The following MIPEP variants were observed in gnomAD, a reference collection of about 807,000 sequenced individuals.
MIPEP encodes mitochondrial intermediate peptidase.
MIPEP carries 79 observed loss-of-function variants against 90.3 expected under a neutral mutation model. The observed-to-expected ratio is 0.87, with a 90% CI of 0.73 to 1.05. The LOEUF is 1.05. Among genes scored for constraint, MIPEP ranks in the 50% least tolerant of loss-of-function variants. The pLI is 0.00. For missense variants in MIPEP, 940 were observed against 905.6 expected, an observed-to-expected ratio of 1.04 and a Z score of -0.49; for synonymous variants, 334 against 315.8, an observed-to-expected ratio of 1.06 and a Z score of -0.61.
intron 16 of MIPEP, among the ~76,000 whole-genome samples, chr13:23,763,527 T>C (rs1256315067): frequency 6.6e-6 from 1 of 152,236 alleles, no homozygotes; most frequent in Non-Finnish European, 1.5e-5. Context: ...TTGTTTTATC[T>C]TGAAAGCAGG....
intron 14 of MIPEP, among the ~76,000 whole-genome samples, chr13:23,835,823 G>A (rs768697264): frequency 2.0e-5 from 3 of 152,166 alleles, no homozygotes; most frequent in Non-Finnish European, 4.4e-5. Flanking sequence ...ATATGGCACT[G>A]GATTCAGTTT....
chr13:23,780,885 G>A (rs186617427), intron 16 of MIPEP, among the ~76,000 whole-genome samples: 3 of 152,176 alleles, frequency 2.0e-5, no homozygotes, highest in Admixed American at 6.5e-5. Flanking sequence ...GAAATGAAGC[G>A]AGAAGAGAAG....
rs530788185 is a variant in MIPEP at position 23,818,436 on chromosome 13, A to G, written c.1654-8512T>C. ...GCGAGACTCTGTCTCAAAAATTAAT[A>G]AAAATAAATAAATGAATAAATAAAT... is the stretch of plus-strand genomic sequence containing the variant. On this transcript the variant is annotated intron_variant, in intron 14 of 18. Transcript: ENST00000382172. 2.0e-4 allele frequency among the ~76,000 whole-genome samples: 28 copies of G among 137,366 alleles called. No homozygotes were observed. In the South Asian group the frequency reaches 5.7e-3, roughly 28 times the overall value. 90.1% of individuals were successfully genotyped at this position (137,366 alleles called of 152,430 possible). A position where few individuals can be genotyped will look rare whatever the true frequency, so the allele number is the denominator to read the frequency against.
At chr13:23,784,642 T>C (rs1382891767) in intron 16 of MIPEP, among the ~76,000 whole-genome samples, 1 of 152,094 alleles carries the variant, frequency 6.6e-6, no homozygotes, top group African/African-American at 2.4e-5. Context: ...ACAAATGGGA[T>C]CTAATTAAGC....
chr13:23,798,670 AC>A (rs887969205), intron 16 of MIPEP, among the ~76,000 whole-genome samples: 1 of 152,106 alleles, frequency 6.6e-6, no homozygotes, highest in African/African-American at 2.4e-5. Flanking sequence ...GGTGCTGTTG[AC>A]ACAATAGTGA....
chr13:23,779,522 C>T (rs1565991270), intron 16 of MIPEP, among the ~76,000 whole-genome samples: 1 of 152,130 alleles, frequency 6.6e-6, no homozygotes, highest in South Asian at 2.1e-4. Context: ...CTACAGCTCC[C>T]AGCGTGAGTG....
chr13:23,860,065 G>A (rs749043986), intron 9 of MIPEP, among the ~76,000 whole-genome samples: 1 of 152,230 alleles, frequency 6.6e-6, no homozygotes, highest in Non-Finnish European at 1.5e-5. Flanking sequence ...CAGACAGAGT[G>A]CAGGCTGTAA....
At position 23,820,788 on chromosome 13, in the gene MIPEP, T is replaced by C. The variant is rs1403291762; in HGVS notation, c.1654-10864A>G. On this transcript the variant is annotated intron_variant, in intron 14 of 18. Transcript: ENST00000382172. ...TCCAATGCCCCATCAGAGTGTGCAT[T>C]TCTAAGGAATGAAAGTTGATGGAGC... Among the ~76,000 whole-genome samples the C allele has an allele frequency of 2.0e-5, 3 of 152,324 alleles. No individual in the cohort carries two copies. In the South Asian group the frequency reaches 6.2e-4, roughly 32 times the overall value.
chr13:23,841,780 T>G (rs1158508431), intron 10 of MIPEP, among the ~76,000 whole-genome samples: 1 of 152,220 alleles, frequency 6.6e-6, no homozygotes, highest in Non-Finnish European at 1.5e-5. Flanking sequence ...CAGTCTCAAC[T>G]GCTCACTGTA....
chr13:23,767,515 G>A (rs889269756), intron 16 of MIPEP, among the ~76,000 whole-genome samples: 7 of 151,292 alleles, frequency 4.6e-5, no homozygotes, highest in Non-Finnish European at 1.0e-4. Flanking sequence ...GCAGTGGCAC[G>A]ATCTCGGCTC....
chr13:23,884,230 G>T (rs1313426137), intron 2 of MIPEP, among the ~76,000 whole-genome samples: 1 of 148,172 alleles, frequency 6.7e-6, no homozygotes, highest in Non-Finnish European at 1.5e-5. Context: ...AGGGGGGGGT[G>T]TGACTACAGG....
At chr13:23,856,899 C>A (rs1870069948) in intron 10 of MIPEP, among the ~76,000 whole-genome samples, 2 of 151,326 alleles carry the variant, frequency 1.3e-5, no homozygotes, top group Non-Finnish European at 1.5e-5. Context: ...GAAAGGAATA[C>A]CTGATAAAAA....
chr13:23,839,930 T>C (rs1253353867), intron 11 of MIPEP, among the ~76,000 whole-genome samples: 1 of 152,214 alleles, frequency 6.6e-6, no homozygotes, highest in Non-Finnish European at 1.5e-5. Flanking sequence ...GGTTTTGGAA[T>C]TCTGTGTCCA....
intron 14 of MIPEP, among the ~76,000 whole-genome samples, chr13:23,826,348 G>A (rs939341912): frequency 9.2e-5 from 14 of 152,030 alleles, no homozygotes; most frequent in African/African-American, 2.9e-4. Context: ...GTATGAAACC[G>A]CAGACCCAAC....
chr13:23,839,820 A>G, intron 11 of MIPEP, 94 bp from the exon 12 acceptor site: 1 of 732,058 alleles, frequency 1.4e-6, no homozygotes, highest in Non-Finnish European at 2.2e-6. Context: ...ATCCATAGCC[A>G]CACATATAGA....
At chr13:23,801,540 T>A (rs1471588660) in intron 16 of MIPEP, among the ~76,000 whole-genome samples, 2 of 152,192 alleles carry the variant, frequency 1.3e-5, no homozygotes, top group African/African-American at 4.8e-5. Context: ...ACCAATCAGT[T>A]TAAGAAAATA....
At chr13:23,818,485 A>G (rs1415197515) in intron 14 of MIPEP, among the ~76,000 whole-genome samples, 1 of 152,168 alleles carries the variant, frequency 6.6e-6, no homozygotes, top group Non-Finnish European at 1.5e-5. Flanking sequence ...AGAGTTAAAC[A>G]GAGCAAAGGA....
chr13:23,774,784 C>CTTTTTTTTTTTTTTTTTTTTTTTT (rs67628137), intron 16 of MIPEP, among the ~76,000 whole-genome samples: 1 of 68,250 alleles, frequency 1.5e-5, no homozygotes, highest in African/African-American at 6.4e-5. Flanking sequence ...TTTATCAGTT[C>CTTTTTTTTTTTTTTTTTTTTTTTT]TTTTTTTTTT....
chr13:23,815,465 C>T (rs1163377947), intron 14 of MIPEP, among the ~76,000 whole-genome samples: 1 of 152,068 alleles, frequency 6.6e-6, no homozygotes. Context: ...TGCAAGCATG[C>T]ACCACTGTGC....
Sources: gnomAD v4.1 joint callset for allele counts (sites outside exome capture counted in the v4.1 genomes callset) on GRCh38, gnomAD v4.1.1 for gene constraint, MANE v1.5 for transcripts, NCBI Gene and HGNC (gene_info 2026-07-23, HGNC 2026-07-21) for gene names.